Variants in HS3ST4 observed in about 807,000 individuals in gnomAD.
The protein encoded by HS3ST4 is heparan sulfate-glucosamine 3-sulfotransferase 4, also known as heparan sulfate glucosamine 3-O-sulfotransferase 4.
HS3ST4 carries 17 observed loss-of-function variants against 29.2 expected under a neutral mutation model. The observed-to-expected ratio is 0.58, with a 90% CI of 0.40 to 0.87. HS3ST4 has a LOEUF of 0.87. HS3ST4 is among the 40% of genes least tolerant of loss of function. The pLI is 0.00. For synonymous variants in HS3ST4, 314 were observed against 285.7 expected, an observed-to-expected ratio of 1.10 and a Z score of -1.00; for missense variants, 627 against 634.5, an observed-to-expected ratio of 0.99 and a Z score of 0.13.
intron 1 of HS3ST4, among the ~76,000 whole-genome samples, chr16:25,740,751 G>C (rs913562971): frequency 2.6e-5 from 4 of 152,188 alleles, no homozygotes; most frequent in Non-Finnish European, 4.4e-5. Context: ...GGAAACTGAG[G>C]CTCAGCGAGA....
At chr16:25,694,767 GTT>G (rs796292619) in intron 1 of HS3ST4, among the ~76,000 whole-genome samples, 1 of 144,860 alleles carries the variant, frequency 6.9e-6, no homozygotes. Context: ...GGGTAATTGC[GTT>G]TTTTTTTTTT....
intron 1 of HS3ST4, among the ~76,000 whole-genome samples, chr16:26,056,727 G>A (rs1199132454): frequency 6.6e-6 from 1 of 152,156 alleles, no homozygotes; most frequent in Non-Finnish European, 1.5e-5. Context: ...GTTTCCCACA[G>A]TAATGAACCA....
At position 25,964,476 on chromosome 16, in the gene HS3ST4, T is replaced by C. The variant is rs73521516; in HGVS notation, c.735-171136T>C. ...TTGAGTACTTACCATGTGAGATACT[T>C]GATGTGTTTCAACCTATATAATGCG... On this transcript the variant is annotated intron_variant, in intron 1 of 1. Coordinates refer to ENST00000331351, the MANE Select transcript of HS3ST4 (RefSeq NM_006040.3). Among the ~76,000 whole-genome samples the C allele has an allele frequency of 1.4e-3, 219 of 152,320 alleles. 1 individual carries two copies. Among genetic ancestry groups the C allele is most frequent in the African/African-American group, 5.2e-3 (218 of 41,586 alleles).
At chr16:26,021,227 G>T (rs1266420647) in intron 1 of HS3ST4, among the ~76,000 whole-genome samples, 1 of 152,162 alleles carries the variant, frequency 6.6e-6, no homozygotes, top group Non-Finnish European at 1.5e-5. Context: ...GGAGTTTGTT[G>T]TCAATTTTTA....
chr16:25,898,311 C>T (rs1393901556), intron 1 of HS3ST4, among the ~76,000 whole-genome samples: 1 of 152,214 alleles, frequency 6.6e-6, no homozygotes, highest in Non-Finnish European at 1.5e-5. Flanking sequence ...CTGGCAGGAT[C>T]CTGAGCTCCT....
intron 1 of HS3ST4, among the ~76,000 whole-genome samples, chr16:25,872,497 A>T (rs1198367371): frequency 6.6e-6 from 1 of 152,154 alleles, no homozygotes; most frequent in Non-Finnish European, 1.5e-5. Flanking sequence ...CTGTTCTAGG[A>T]TGGTCCCATT....
intron 1 of HS3ST4, among the ~76,000 whole-genome samples, chr16:25,775,243 G>T (rs967286418): frequency 1.1e-4 from 16 of 152,190 alleles, no homozygotes; most frequent in African/African-American, 3.4e-4. Context: ...GGATTCTAGA[G>T]AATGGATTTG....
At chr16:25,941,143 T>TTTTTG (rs1968567510) in intron 1 of HS3ST4, among the ~76,000 whole-genome samples, 1 of 152,090 alleles carries the variant, frequency 6.6e-6, no homozygotes. Flanking sequence ...ATACCCTGTT[T>TTTTTG]TTTTGTTTTG....
intron 1 of HS3ST4, among the ~76,000 whole-genome samples, chr16:25,958,208 T>C (rs1159798559): frequency 6.6e-6 from 1 of 152,232 alleles, no homozygotes. Flanking sequence ...ATAAGGCAGA[T>C]GCCATGGAAA....
chr16:25,936,176 T>C (rs1968515227), intron 1 of HS3ST4, among the ~76,000 whole-genome samples: 1 of 152,214 alleles, frequency 6.6e-6, no homozygotes, highest in South Asian at 2.1e-4. Context: ...GATACCATTA[T>C]GTGGATTTCC....
intron 1 of HS3ST4, among the ~76,000 whole-genome samples, chr16:25,983,301 C>T (rs1193420208): frequency 6.6e-6 from 1 of 152,158 alleles, no homozygotes; most frequent in Non-Finnish European, 1.5e-5. Flanking sequence ...AAGAGCCCCC[C>T]TTGCTGAATA....
chr16:26,034,130 T>C (rs1004090656), intron 1 of HS3ST4, among the ~76,000 whole-genome samples: 4 of 151,940 alleles, frequency 2.6e-5, no homozygotes, highest in Non-Finnish European at 4.4e-5. Flanking sequence ...CTTCCTGGAG[T>C]CTCTGCTCTC....
chr16:25,904,590 G>A (rs34433036), intron 1 of HS3ST4, among the ~76,000 whole-genome samples: 7,662 of 152,106 alleles, frequency 0.05, 270 homozygotes, highest in Non-Finnish European at 0.072. Flanking sequence ...GATATCCAAG[G>A]GCAATGAAAG....
At chr16:25,935,824 A>C (rs1968511912) in intron 1 of HS3ST4, among the ~76,000 whole-genome samples, 1 of 152,230 alleles carries the variant, frequency 6.6e-6, no homozygotes, top group South Asian at 2.1e-4. Flanking sequence ...ATAGACATTG[A>C]GACATTTATG....
chr16:25,918,084 G>A (rs1465900589), intron 1 of HS3ST4, among the ~76,000 whole-genome samples: 1 of 152,116 alleles, frequency 6.6e-6, no homozygotes, highest in Non-Finnish European at 1.5e-5. Context: ...TTACCTTTCT[G>A]CAGACATATA....
intron 1 of HS3ST4, among the ~76,000 whole-genome samples, chr16:25,945,187 C>T (rs1006208515): frequency 6.6e-6 from 1 of 152,100 alleles, no homozygotes. Context: ...ATGCACAACA[C>T]ACAATATTAT....
At chr16:25,930,108 A>G (rs1968448339) in intron 1 of HS3ST4, among the ~76,000 whole-genome samples, 1 of 152,200 alleles carries the variant, frequency 6.6e-6, no homozygotes, top group South Asian at 2.1e-4. Flanking sequence ...CTCCAGCTCC[A>G]TCCATGTTCC....
chr16:25,790,846 G>A (rs142969143), intron 1 of HS3ST4, among the ~76,000 whole-genome samples: 2 of 152,156 alleles, frequency 1.3e-5, no homozygotes, highest in South Asian at 2.1e-4. Flanking sequence ...AGTCTGTGCC[G>A]ATGTTTTTTC....
At chr16:25,858,960 G>C (rs576802695) in intron 1 of HS3ST4, among the ~76,000 whole-genome samples, 1 of 151,756 alleles carries the variant, frequency 6.6e-6, no homozygotes, top group Non-Finnish European at 1.5e-5. Context: ...CTTTAGTTTG[G>C]GTTTGGAACT....
Sources: gnomAD v4.1 joint callset for allele counts (sites outside exome capture counted in the v4.1 genomes callset) on GRCh38, gnomAD v4.1.1 for gene constraint, MANE v1.5 for transcripts, NCBI Gene and HGNC (gene_info 2026-07-23, HGNC 2026-07-21) for gene names.